Variants in DHX58 observed in about 807,000 individuals in gnomAD.
DHX58 encodes DExH-box helicase 58, also known as ATP-dependent RNA helicase DHX58.
In DHX58, 51 loss-of-function variants were observed where a neutral mutation model predicts 65.0. The ratio of observed to expected loss-of-function variants is 0.78; its 90% CI spans 0.63 to 0.99. The LOEUF is 0.99. DHX58 is among the 50% of genes least tolerant of loss of function. The pLI is 0.00. For synonymous variants in DHX58, 350 were observed against 365.0 expected, an observed-to-expected ratio of 0.96 and a Z score of 0.47; for missense variants, 773 against 891.8, an observed-to-expected ratio of 0.87 and a Z score of 1.70.
rs782235485 is a variant in DHX58, at chr17:42,107,648, G to T, written c.953C>A (p.Thr318Asn). 4 of 1,613,224 alleles carry T rather than the reference G, an allele frequency of 2.5e-6. No homozygotes were observed. The South Asian group carries it at 4.4e-5, about 18-fold the overall frequency. ...CCGGCGCTCGGCACACAGGATCTGG[G>T]TTTTAGTGACGTGCTCCCTGTGATA... is the stretch of plus-strand genomic sequence containing the variant. Reference protein sequence around the residue: ...DFYHREHVTKTQILCAERRLL... With the variant: ...DFYHREHVTKNQILCAERRLL... The change falls in exon 8 of 14, where the codon ACC becomes AAC. Residue 318 changes from threonine to asparagine, a missense_variant. By Grantham distance (65) the Thr-to-Asn change is moderately conservative (BLOSUM62 0). Transcript: ENST00000251642.
In DHX58 at chr17:42,107,770, T is replaced by C. The variant is rs1555663099; in HGVS notation, c.831A>G (p.Gln277=). 6.3e-7 allele frequency: 1 copy of C among 1,589,502 alleles called. No individual in the cohort carries two copies. The highest frequency in any genetic ancestry group is 1.8e-5 in the Admixed American group (1 of 56,310). Residue 277 remains glutamine, a synonymous_variant, in exon 8 of 14, where the codon CAA becomes CAG. Coordinates refer to ENST00000251642, the MANE Select transcript of DHX58 (RefSeq NM_024119.3). ...GCCTCAGGTGAAGCGCATACACCCGTTGCTCCTGAAGCCCAGCCAAAGCCG... is the reference window on the plus strand; with the variant it reads ...GCCTCAGGTGAAGCGCATACACCCGCTGCTCCTGAAGCCCAGCCAAAGCCG... ...EAAALAGLQE[Q]RVYALHLRRY...
chr17:42,109,169 C>T, intron 6 of DHX58, 101 bp downstream of exon 6: 1 of 948,050 alleles, frequency 1.1e-6, no homozygotes, highest in Non-Finnish European at 1.5e-6. Context: ...TAGCAAGTGA[C>T]CTGAAGTCAC....
At chr17:42,107,916 C>T in intron 7 of DHX58, 66 bp downstream of exon 7, 2 of 1,606,162 alleles carry the variant, frequency 1.2e-6, no homozygotes, top group Non-Finnish European at 1.7e-6. Context: ...AGGCCTCCGC[C>T]CCGGCAGGCC....
intron 6 of DHX58, among the ~76,000 whole-genome samples, chr17:42,108,673 G>C (rs1427108206): frequency 6.6e-6 from 1 of 152,246 alleles, no homozygotes; most frequent in Non-Finnish European, 1.5e-5. Context: ...GACCCTGACA[G>C]AGCTGGCCTT....
At chr17:42,111,943 C>G (rs1219149842) in intron 2 of DHX58, 50 bp from the exon 3 acceptor site, 1 of 1,567,728 alleles carries the variant, frequency 6.4e-7, no homozygotes, top group East Asian at 2.3e-5. Flanking sequence ...CCCCTCCCAA[C>G]TCCTGGCCAG....
chr17:42,106,027 A>G, intron 8 of DHX58, 38 bp from the exon 9 acceptor site: 1 of 1,587,462 alleles, frequency 6.3e-7, no homozygotes, highest in Non-Finnish European at 8.6e-7. Flanking sequence ...GTGTAGTGGC[A>G]CATGTCTGTA....
At position 42,111,972 on chromosome 17, in the gene DHX58, C is replaced by A; in HGVS notation, c.-1-79G>T. 2.7e-6 allele frequency: 4 copies of A among 1,508,172 alleles called. 1 individual carries two copies. The South Asian group carries it at 5.3e-5, about 20-fold the overall frequency. The allele number at this position is 1,508,172 out of a possible 1,614,324, so 93.4% of individuals were successfully genotyped here. On this transcript the variant is annotated intron_variant, in intron 2 of 13. Transcript: ENST00000251642. Reference sequence around the variant, plus strand: ...TGGCCAGACCAGTCAGTACAGAGACCTCCCTTTGCCCAGGACTCCACCCCA... The same window carrying A: ...TGGCCAGACCAGTCAGTACAGAGACATCCCTTTGCCCAGGACTCCACCCCA...
chr17:42,104,924 T>C lies in DHX58; in HGVS notation c.1405A>G (p.Arg469Gly), dbSNP rs1057491631. The part of the protein sequence containing the change: ...LTNEISMVQA[R>G]GRARADQSVY... ...CTCTGATCGGCCCGGGCACGGCCCC[T>C]GGCCTGGGAAGAGAGACAAGGGGTG... Residue 469 changes from arginine to glycine, a missense_variant, in exon 11 of 14, where the codon AGG becomes GGG. Physicochemically the swap from Arg to Gly is moderately radical, Grantham distance 125. Transcript: ENST00000251642. 5.0e-6 allele frequency: 8 copies of C among 1,614,030 alleles called. No homozygotes were observed. The highest frequency in any genetic ancestry group is 5.9e-6 in the Non-Finnish European group (7 of 1,179,994).
rs1555663992 is a variant in DHX58 at position 42,110,909 on chromosome 17, G to T, written c.375C>A (p.Phe125Leu). The change falls in exon 5 of 14, where the codon TTC becomes TTA. Residue 125 changes from phenylalanine (F) to leucine (L), a missense_variant. Physicochemically the swap from Phe to Leu is conservative, Grantham distance 22 (BLOSUM62 0). Coordinates refer to ENST00000251642, the MANE Select transcript of DHX58 (RefSeq NM_024119.3). ...EEEEHVELTV[F>L]SLIVVDECHH... is the part of the protein sequence containing the mutation. ...GGCACTCATCCACCACGATCAGGGA[G>T]AAGACTGAGGGCACAGGGGGGAAGG... The T allele has an allele frequency of 6.2e-7, 1 of 1,604,000 alleles. No individual in the cohort carries two copies. Among genetic ancestry groups the T allele is most frequent in the East Asian group, 2.2e-5 (1 of 44,616 alleles).
rs373628500 is a variant in DHX58 at position 42,111,323 on chromosome 17, C to T, written c.343G>A (p.Glu115Lys). 92 of 1,613,534 alleles carry T rather than the reference C, an allele frequency of 5.7e-5. No homozygotes were observed. Among genetic ancestry groups the T allele is most frequent in the Non-Finnish European group, 7.5e-5 (88 of 1,179,626 alleles). Residue 115 changes from glutamate to lysine, a missense_variant, in exon 4 of 14, where the codon GAG (glutamate) becomes AAG (lysine). Physicochemically the swap from Glu to Lys is moderately conservative, Grantham distance 56. Transcript: ENST00000251642. The part of the protein sequence containing the change: ...ELLQMALTSP[E>K]EEEHVELTVF... Reference sequence around the variant, plus strand: ...GTGAGCTCCACGTGCTCCTCCTCCTCGGGGCTGGTCAGTGCCATCTGCAGA... The same window carrying T: ...GTGAGCTCCACGTGCTCCTCCTCCTTGGGGCTGGTCAGTGCCATCTGCAGA...
At position 42,105,037 on chromosome 17, in the gene DHX58, T is replaced by C. The variant is rs34016093; in HGVS notation, c.1382A>G (p.Asn461Ser). ...NVVVRYGLLTNEISMVQARGR... is the reference protein window; with the variant it reads ...NVVVRYGLLTSEISMVQARGR... The stretch of plus-strand genomic sequence containing the variant: ...GAGTACCTGGACCATGGAGATTTCA[T>C]TGGTCAAGAGCCCATAACGCACCAC... The change falls in exon 10 of 14, where the codon AAT (asparagine) becomes AGT (serine). Residue 461 changes from asparagine to serine, a missense_variant. Coordinates refer to ENST00000251642, the MANE Select transcript of DHX58 (RefSeq NM_024119.3). 0.048 allele frequency: 77,379 copies of C among 1,613,366 alleles called. 2,133 individuals are homozygous for C. The highest frequency in any genetic ancestry group is 0.078 in the South Asian group (7,117 of 91,060).
chr17:42,106,161 A>G (rs1167682181), intron 8 of DHX58, among the ~76,000 whole-genome samples, 172 bp from the exon 9 acceptor site: 3 of 131,890 alleles, frequency 2.3e-5, no homozygotes, highest in African/African-American at 8.3e-5. Flanking sequence ...TCTGTCTGGG[A>G]AAAAAAAAAA....
intron 3 of DHX58, 84 bp from the exon 4 acceptor site, chr17:42,111,581 G>C (rs1257379812): frequency 1.2e-5 from 19 of 1,585,324 alleles, no homozygotes; most frequent in Non-Finnish European, 1.5e-5. Context: ...GCAGGACATG[G>C]CTGGGTACTG....
In DHX58 at chr17:42,105,770, G is replaced by A. The variant is rs1387416045; in HGVS notation, c.1217C>T (p.Ala406Val). The A allele has an allele frequency of 1.2e-6, 2 of 1,605,576 alleles. No homozygotes were observed. The highest frequency in any genetic ancestry group is 1.7e-6 in the Non-Finnish European group (2 of 1,175,434). Residue 406 changes from alanine to valine, a missense_variant, in exon 9 of 14, where the codon GCT becomes GTT. By Grantham distance (64) the Ala-to-Val change is moderately conservative. Transcript: ENST00000251642. ...VDIRAQLLIGAGNSSQSTHMT... is the reference protein window; with the variant it reads ...VDIRAQLLIGVGNSSQSTHMT... ...GTGGGTGCTCTGGCTGCTGTTCCCAGCCCCAATCAGTAGCTGGGCCCGGAT... is the reference window on the plus strand; with the variant it reads ...GTGGGTGCTCTGGCTGCTGTTCCCAACCCCAATCAGTAGCTGGGCCCGGAT...
rs781855448 is a variant in DHX58 at position 42,103,587 on chromosome 17, A to G, written c.1754+21T>C. ...AGGATTCCCAGGCCCCCATCCCAGT[A>G]GCCCCTTCCACAGGTCTCACGAGAA... is the stretch of plus-strand genomic sequence containing the variant. On this transcript the variant is annotated intron_variant, in intron 12 of 13. Transcript: ENST00000251642. The G allele has an allele frequency of 9.9e-6, 16 of 1,613,308 alleles. No individual in the cohort carries two copies. The Admixed American group carries it at 2.0e-4, about 20-fold the overall frequency.
chr17:42,107,910 C>A, intron 7 of DHX58, 72 bp downstream of exon 7: 25 of 1,603,004 alleles, frequency 1.6e-5, no homozygotes, highest in East Asian at 2.2e-5. Flanking sequence ...CCCCAAAGGC[C>A]TCCGCCCCGG....
At chr17:42,102,091 C>A in intron 13 of DHX58, 125 bp downstream of exon 13, 1 of 1,429,372 alleles carries the variant, frequency 7.0e-7, no homozygotes, top group Non-Finnish European at 9.6e-7. Context: ...AGGGGCTGGA[C>A]CTCCCTCTTC....
In DHX58 at chr17:42,111,500, G is replaced by C; in HGVS notation, c.169-3C>G. ...CCATGCTGGGTCACCAGGTGCACCTGGGGGTGGAGAATGAGCTGGGAAAAG... is the reference window on the plus strand; with the variant it reads ...CCATGCTGGGTCACCAGGTGCACCTCGGGGTGGAGAATGAGCTGGGAAAAG... On this transcript the variant is annotated splice_polypyrimidine_tract_variant and splice_region_variant and intron_variant, in intron 3 of 13. Transcript: ENST00000251642. The C allele has an allele frequency of 1.2e-6, 2 of 1,613,452 alleles. No individual in the cohort carries two copies. Among genetic ancestry groups the C allele is most frequent in the African/African-American group, 1.3e-5 (1 of 75,062 alleles).
chr17:42,111,416 T>A lies in DHX58; in HGVS notation c.250A>T (p.Met84Leu). 4 of 1,614,212 alleles carry A rather than the reference T, an allele frequency of 2.5e-6. No homozygotes were observed. Among genetic ancestry groups the A allele is most frequent in the Non-Finnish European group, 3.4e-6 (4 of 1,180,030 alleles). ...TGGCCAAAGCCAGCACGTGGTCCCA[T>A]GTCCCCACTCAGGGTTGTCACGGTC... ...RWTVTTLSGD[M>L]GPRAGFGHLA... The change falls in exon 4 of 14, where the codon ATG becomes TTG. Residue 84 changes from methionine (M) to leucine (L), a missense_variant. Physicochemically the swap from Met to Leu is conservative, Grantham distance 15. Transcript: ENST00000251642.
Sources: allele counts gnomAD v4.1 joint callset (sites outside exome capture counted in the v4.1 genomes callset), GRCh38; gene constraint gnomAD v4.1.1; transcripts MANE v1.5; gene names NCBI Gene and HGNC (gene_info 2026-07-23, HGNC 2026-07-21).